ERAP1: variants seen among roughly 807,000 people sequenced by gnomAD.
ERAP1 encodes the protein adipocyte-derived leucine aminopeptidase.
In ERAP1, 86 loss-of-function variants were observed where a neutral mutation model predicts 103.7. That is an observed-to-expected ratio of 0.83 (90% confidence interval 0.70 to 0.99). The LOEUF (loss-of-function observed/expected upper bound fraction) is 0.99, where lower values mean the gene tolerates loss of function less well. ERAP1 is among the 50% of genes least tolerant of loss of function. The pLI is 0.00. For synonymous variants in ERAP1, 398 were observed against 402.4 expected (o/e 0.99, Z 0.13); for missense variants, 1,009 against 1,128.4 (o/e 0.89, Z 1.52).
chr5:96,799,271 T>A (rs1051623226), intron 3 of ERAP1, among the ~76,000 whole-genome samples: 1 of 152,190 alleles, frequency 6.6e-6, no homozygotes, highest in Non-Finnish European at 1.5e-5. Context: ...AAAGCTTCAA[T>A]GTTCCAATGG....
Position 96,797,355 on chromosome 5 carries a change from T to C in ERAP1, c.664-46A>G, listed in dbSNP as rs1271080981. 1.9e-6 allele frequency: 3 copies of C among 1,591,260 alleles called. No homozygotes were observed. The South Asian group carries it at 3.3e-5, about 18-fold the overall frequency. On this transcript the variant is annotated intron_variant, in intron 3 of 18. Transcript: ENST00000443439. Reference sequence around the variant, plus strand: ...ATTATCAAGTAATCCAATTATCCAATACAGTGAACATGATAAATTTCCTAA... The same window carrying C: ...ATTATCAAGTAATCCAATTATCCAACACAGTGAACATGATAAATTTCCTAA...
chr5:96,861,943 A>T, the ERAP1 span, among the ~76,000 whole-genome samples: 1 of 152,150 alleles, frequency 6.6e-6, no homozygotes, highest in Non-Finnish European at 1.5e-5. Context: ...CCATTCTAAA[A>T]AGCTTGTATG....
At chr5:96,847,822 A>G in the ERAP1 span, among the ~76,000 whole-genome samples, 1 of 152,228 alleles carries the variant, frequency 6.6e-6, no homozygotes, top group African/African-American at 2.4e-5. Context: ...AGCAAAAGCA[A>G]TTCTAACAGA....
At chr5:96,879,565 T>C in the ERAP1 span, 1 of 696,970 alleles carries the variant, frequency 1.4e-6, no homozygotes, top group Non-Finnish European at 2.4e-6. Context: ...TTCTTCTAGA[T>C]TAAATTCATG....
chr5:96,918,239 A>G, the ERAP1 span: 1 of 152,372 alleles, frequency 6.6e-6, no homozygotes, highest in Non-Finnish European at 1.5e-5. Flanking sequence ...TTTAGCCTCA[A>G]GTGACTTTCT....
chr5:96,851,337 C>T, the ERAP1 span, among the ~76,000 whole-genome samples: 124 of 152,276 alleles, frequency 8.1e-4, no homozygotes, highest in African/African-American at 2.8e-3. Flanking sequence ...ACTCACATCC[C>T]GTGTCTCCTT....
chr5:96,823,141 A>T, the ERAP1 span: 1 of 456,254 alleles, frequency 2.2e-6, no homozygotes, highest in South Asian at 1.5e-5. Flanking sequence ...GAAGCAAGGG[A>T]GACAGAGACT....
chr5:96,818,480 G>C, the ERAP1 span, among the ~76,000 whole-genome samples: 1 of 151,092 alleles, frequency 6.6e-6, no homozygotes, highest in African/African-American at 2.4e-5. Flanking sequence ...TGGCCCTAGA[G>C]TTAATGGCTA....
At chr5:96,806,136 T>C (rs939488365) in intron 1 of ERAP1, 1 of 152,236 alleles carries the variant, frequency 6.6e-6, no homozygotes, top group African/African-American at 2.4e-5. Context: ...TCTGTGATCA[T>C]GTTCGTGTGT....
At position 96,786,457 on chromosome 5, in the gene ERAP1, C is replaced by A; in HGVS notation, c.1759+13G>T. Reference sequence around the variant, plus strand: ...CCTCCTTGAATTAACTAGTAGTTTCCAAAATAAATTACCTGTTTTTGTTTT... The same window carrying A: ...CCTCCTTGAATTAACTAGTAGTTTCAAAAATAAATTACCTGTTTTTGTTTT... On this transcript the variant is annotated intron_variant, in intron 12 of 18. Transcript: ENST00000443439. 6.3e-7 allele frequency: 1 copy of A among 1,575,688 alleles called. No individual in the cohort carries two copies. The highest frequency in any genetic ancestry group is 8.7e-7 in the Non-Finnish European group (1 of 1,145,962).
chr5:96,861,018 C>A, the ERAP1 span, among the ~76,000 whole-genome samples: 3,898 of 151,710 alleles, frequency 0.026, 87 homozygotes, highest in Non-Finnish European at 0.042. Context: ...AGAGAGCAGT[C>A]ATTACAAGGT....
chr5:96,896,887 T>C, the ERAP1 span: 2 of 1,550,706 alleles, frequency 1.3e-6, no homozygotes, highest in Admixed American at 2.3e-5. Context: ...TGGGTAACGA[T>C]AGACTGTTAT....
chr5:96,868,757 T>A, the ERAP1 span, among the ~76,000 whole-genome samples: 1 of 152,180 alleles, frequency 6.6e-6, no homozygotes, highest in South Asian at 2.1e-4. Flanking sequence ...TTCTAACAAA[T>A]GTTCAGTATG....
At chr5:96,761,457 A>G (rs192570920) in exon 20 of ERAP1, 46 of 152,300 alleles carry the variant, frequency 3.0e-4, no homozygotes, top group Non-Finnish European at 2.9e-4. Flanking sequence ...ATAATTTCCA[A>G]TAATAACATG....
intron 3 of ERAP1, among the ~76,000 whole-genome samples, chr5:96,798,505 G>A (rs1002900029): frequency 5.9e-5 from 9 of 151,862 alleles, no homozygotes; most frequent in African/African-American, 2.2e-4. Context: ...GAACCAGCCA[G>A]AATTAGCTGG....
the ERAP1 span, chr5:96,909,499 G>C: frequency 9.6e-7 from 1 of 1,043,974 alleles, no homozygotes; most frequent in Non-Finnish European, 1.5e-6. Context: ...AGAAAGTTTA[G>C]AGTTGAGCCC....
chr5:96,908,585 T>C, the ERAP1 span, among the ~76,000 whole-genome samples: 1 of 152,228 alleles, frequency 6.6e-6, no homozygotes, highest in Non-Finnish European at 1.5e-5. Flanking sequence ...TGAAATCATG[T>C]GTAAAAAGTT....
the ERAP1 span, among the ~76,000 whole-genome samples, chr5:96,922,369 T>C: frequency 6.6e-6 from 1 of 152,198 alleles, no homozygotes; most frequent in Non-Finnish European, 1.5e-5. Context: ...TCGTCTCTAA[T>C]ATATTGAGTT....
chr5:96,836,242 C>G, the ERAP1 span, among the ~76,000 whole-genome samples: 6 of 143,774 alleles, frequency 4.2e-5, no homozygotes, highest in Admixed American at 7.2e-5. Flanking sequence ...CACTCTGTCA[C>G]CCAGACTGGA....
Sources: gnomAD v4.1 joint callset for allele counts (sites outside exome capture counted in the v4.1 genomes callset) on GRCh38, gnomAD v4.1.1 for gene constraint, MANE v1.5 for transcripts, NCBI Gene and HGNC (gene_info 2026-07-23, HGNC 2026-07-21) for gene names.